The following PLPPR5 variants were observed in gnomAD, a reference collection of about 807,000 sequenced individuals.
PLPPR5 encodes the protein phospholipid phosphatase related 5.
In PLPPR5, 16 loss-of-function variants were observed where a neutral mutation model predicts 33.9. The ratio of observed to expected loss-of-function variants is 0.47; its 90% CI spans 0.32 to 0.72. The LOEUF (loss-of-function observed/expected upper bound fraction) is 0.72, where lower values mean the gene tolerates loss of function less well. PLPPR5 is among the 30% of genes least tolerant of loss of function. The pLI is 0.03. For synonymous variants in PLPPR5, 163 were observed against 150.3 expected (o/e 1.08, Z -0.62); for missense variants, 301 against 406.7 (o/e 0.74, Z 2.23).
intron 1 of PLPPR5, among the ~76,000 whole-genome samples, chr1:98,984,138 A>T (rs1167307016): frequency 6.6e-6 from 1 of 151,992 alleles, no homozygotes. Context: ...GGAACTTAAG[A>T]ACTACTAAAG....
intron 1 of PLPPR5, among the ~76,000 whole-genome samples, chr1:98,966,645 G>A (rs1651459915): frequency 6.6e-6 from 1 of 152,192 alleles, no homozygotes; most frequent in Non-Finnish European, 1.5e-5. Flanking sequence ...CCGCTTTGAT[G>A]GAAGGATATG....
At chr1:99,002,199 A>G (rs1652875168) in intron 1 of PLPPR5, among the ~76,000 whole-genome samples, 1 of 152,166 alleles carries the variant, frequency 6.6e-6, no homozygotes, top group Non-Finnish European at 1.5e-5. Context: ...AAATGCCAGC[A>G]GCACAGCCAT....
intron 3 of PLPPR5, among the ~76,000 whole-genome samples, chr1:98,932,562 C>G (rs560223836): frequency 9.9e-5 from 15 of 152,164 alleles, no homozygotes; most frequent in Admixed American, 5.2e-4. Context: ...GACCTTTCAG[C>G]CTTATGCATT....
rs1648251389 is a variant in PLPPR5 at position 98,890,982 on chromosome 1, C to T, written c.*2090G>A. On this transcript the variant is annotated 3_prime_UTR_variant, in exon 6 of 6. Coordinates refer to ENST00000263177, the MANE Select transcript of PLPPR5 (RefSeq NM_001037317.2). ...CAGGAAAAACATTCCTGCTTGGCTG[C>T]TTGGAAGTCTGATGTAGAATCAATA... The T allele has an allele frequency of 6.6e-6, 1 of 152,092 alleles. No homozygotes were observed. The highest frequency in any genetic ancestry group is 1.5e-5 in the Non-Finnish European group (1 of 68,018). 9.4% of individuals were successfully genotyped at this position (152,092 alleles called of 1,614,324 possible). A position where few individuals can be genotyped will look rare whatever the true frequency, so the allele number is the denominator to read the frequency against.
At chr1:98,906,967 T>G (rs1648923025) in intron 5 of PLPPR5, among the ~76,000 whole-genome samples, 1 of 152,184 alleles carries the variant, frequency 6.6e-6, no homozygotes, top group Non-Finnish European at 1.5e-5. Context: ...AATTCTCATT[T>G]TTTATTATAA....
chr1:98,996,810 T>C (rs1055860575), intron 1 of PLPPR5, among the ~76,000 whole-genome samples: 2 of 152,142 alleles, frequency 1.3e-5, no homozygotes, highest in African/African-American at 4.8e-5. Context: ...TAAACTTATA[T>C]ATTAACAAGC....
At chr1:98,919,579 A>AT (rs1649473493) in intron 4 of PLPPR5, among the ~76,000 whole-genome samples, 1 of 152,106 alleles carries the variant, frequency 6.6e-6, no homozygotes, top group South Asian at 2.1e-4. Context: ...CCTCGTCCAC[A>AT]TCACCTTCCA....
At chr1:98,948,690 T>C (rs538487879) in intron 3 of PLPPR5, among the ~76,000 whole-genome samples, 59 of 152,270 alleles carry the variant, frequency 3.9e-4, no homozygotes, top group Non-Finnish European at 8.8e-5. Flanking sequence ...TCAGGGAAGA[T>C]GACCCTTGTG....
At chr1:98,929,008 T>G (rs1385156827) in intron 3 of PLPPR5, among the ~76,000 whole-genome samples, 1 of 152,156 alleles carries the variant, frequency 6.6e-6, no homozygotes, top group African/African-American at 2.4e-5. Flanking sequence ...TGTATTTTAT[T>G]GATACCTTTA....
chr1:99,004,784 G>C lies in PLPPR5; in HGVS notation c.-113C>G. 1.8e-6 allele frequency: 1 copy of C among 571,192 alleles called. No individual in the cohort carries two copies. Among genetic ancestry groups the C allele is most frequent in the Non-Finnish European group, 2.5e-6 (1 of 396,522 alleles). 35.4% of individuals were successfully genotyped at this position (571,192 alleles called of 1,614,324 possible). On this transcript the variant is annotated 5_prime_UTR_variant, in exon 1 of 6. Transcript: ENST00000263177. ...GGCGCGGCGGCGGAGGCGGCGGGAG[G>C]ACGAGGCACGGGAGGCGGGATGGAG...
At chr1:98,909,351 C>G (rs1649035096) in intron 5 of PLPPR5, among the ~76,000 whole-genome samples, 1 of 149,808 alleles carries the variant, frequency 6.7e-6, no homozygotes, top group Non-Finnish European at 1.5e-5. Flanking sequence ...TTTCTCTCAT[C>G]CACATGTTCC....
chr1:98,953,008 T>C (rs1164722448), intron 3 of PLPPR5, 62 bp downstream of exon 3: 1 of 1,578,498 alleles, frequency 6.3e-7, no homozygotes, highest in African/African-American at 1.4e-5. Context: ...AAAAAGAATT[T>C]CTACATTGGA....
chr1:98,941,269 AAGCTC>A (rs1444096148), intron 3 of PLPPR5, among the ~76,000 whole-genome samples: 1 of 151,964 alleles, frequency 6.6e-6, no homozygotes, highest in Non-Finnish European at 1.5e-5. Context: ...AAAAAGAGAA[AAGCTC>A]AAATAGAGGG....
intron 1 of PLPPR5, among the ~76,000 whole-genome samples, chr1:98,996,278 C>T (rs1466078608): frequency 6.6e-6 from 1 of 151,770 alleles, no homozygotes; most frequent in Non-Finnish European, 1.5e-5. Context: ...CATACACTAC[C>T]CCCACCCACA....
chr1:98,922,784 G>A (rs1412614366), intron 3 of PLPPR5, among the ~76,000 whole-genome samples: 1 of 152,114 alleles, frequency 6.6e-6, no homozygotes, highest in Non-Finnish European at 1.5e-5. Flanking sequence ...AGGAGATCGA[G>A]ACCATCCTGG....
At chr1:98,985,897 G>C (rs1652244934) in intron 1 of PLPPR5, among the ~76,000 whole-genome samples, 1 of 151,994 alleles carries the variant, frequency 6.6e-6, no homozygotes, top group Non-Finnish European at 1.5e-5. Flanking sequence ...TTGTCAGAAA[G>C]TATCCCTGTT....
chr1:98,971,543 T>TA (rs1269641525), intron 1 of PLPPR5, among the ~76,000 whole-genome samples: 1 of 152,060 alleles, frequency 6.6e-6, no homozygotes, highest in Non-Finnish European at 1.5e-5. Context: ...TTTATACTTG[T>TA]AAGGCAATCT....
chr1:98,987,836 ATT>A (rs1408384396), intron 1 of PLPPR5, among the ~76,000 whole-genome samples: 1 of 151,904 alleles, frequency 6.6e-6, no homozygotes, highest in Admixed American at 6.6e-5. Context: ...GATTCTTTTG[ATT>A]TGTTTTTCTA....
intron 4 of PLPPR5, among the ~76,000 whole-genome samples, chr1:98,918,446 T>A (rs17390447): frequency 0.15 from 22,691 of 152,198 alleles, 2,132 homozygotes; most frequent in Non-Finnish European, 0.21. Context: ...GACACTGTCA[T>A]AAATATCATA....
Sources: gnomAD v4.1 joint callset for allele counts (sites outside exome capture counted in the v4.1 genomes callset) on GRCh38, gnomAD v4.1.1 for gene constraint, MANE v1.5 for transcripts, NCBI Gene and HGNC (gene_info 2026-07-23, HGNC 2026-07-21) for gene names.